The following ELFN2 variants were observed in gnomAD, a reference collection of about 807,000 sequenced individuals.
ELFN2 encodes protein phosphatase 1 regulatory subunit 29.
ELFN2 carries 17 observed loss-of-function variants against 45.5 expected under a neutral mutation model. That is an observed-to-expected ratio of 0.37 (90% CI 0.26 to 0.56). The LOEUF is 0.56. Ranked by LOEUF, ELFN2 falls within the 20% of genes least tolerant of loss-of-function variation. The pLI is 0.77. For missense variants in ELFN2, 922 were observed against 1,183.2 expected (o/e 0.78, Z 3.24); for synonymous variants, 550 against 551.5 (o/e 1.00, Z 0.04).
At chr22:37,391,284 C>T (rs1469253256) in intron 2 of ELFN2, among the ~76,000 whole-genome samples, 1 of 152,152 alleles carries the variant, frequency 6.6e-6, no homozygotes, top group Admixed American at 6.5e-5. Flanking sequence ...ACCACAGCCT[C>T]ATAGAGGACA....
At chr22:37,354,544 A>C (rs369070207) in intron 1 of ELFN2, 1 of 151,262 alleles carries the variant, frequency 6.6e-6, no homozygotes, top group African/African-American at 2.4e-5. Flanking sequence ...GAAAAAAAGA[A>C]ACACACACAC....
downstream of ELFN2, among the ~76,000 whole-genome samples, chr22:37,367,748 C>G (rs1931238444): frequency 1.3e-5 from 2 of 152,208 alleles, no homozygotes; most frequent in Non-Finnish European, 2.9e-5. Context: ...TGGGTGCACA[C>G]TGACCCTGGA....
At chr22:37,383,215 C>T (rs964267646) in intron 2 of ELFN2, among the ~76,000 whole-genome samples, 2 of 152,196 alleles carry the variant, frequency 1.3e-5, no homozygotes, top group African/African-American at 4.8e-5. Flanking sequence ...CCTCCACCTC[C>T]CTCGGCTGGG....
At chr22:37,426,619 A>G (rs1247039070) in intron 1 of ELFN2, among the ~76,000 whole-genome samples, 3 of 130,972 alleles carry the variant, frequency 2.3e-5, no homozygotes, top group African/African-American at 8.5e-5. Context: ...ACGCACACAC[A>G]CACACTGGCA....
intron 2 of ELFN2, among the ~76,000 whole-genome samples, chr22:37,400,346 G>A (rs995620260): frequency 6.6e-6 from 1 of 152,130 alleles, no homozygotes; most frequent in Non-Finnish European, 1.5e-5. Flanking sequence ...AGGGGCAGTT[G>A]TCCCCTCCCC....
intron 2 of ELFN2, among the ~76,000 whole-genome samples, chr22:37,404,331 A>G (rs1932442664): frequency 6.6e-6 from 1 of 152,160 alleles, no homozygotes. Flanking sequence ...AGGCAAGGAC[A>G]GCAGGGTGGG....
Position 37,417,595 on chromosome 22 carries a change from T to C in ELFN2, c.-463+174A>G, listed in dbSNP as rs996760485. ...TCTGCAGGCCGCCTCATAGGCCCTG[T>C]GGAAGGAAAGCTGGGTGGGAGGGGT... On this transcript the variant is annotated intron_variant, in intron 2 of 2. Transcript: ENST00000402918. The surrounding 1 kb of genome is among the most constrained non-coding windows in gnomAD (Gnocchi z 4.5). Among the ~76,000 whole-genome samples, 4 of 151,820 alleles carry C rather than the reference T, an allele frequency of 2.6e-5. No individual in the cohort carries two copies. The highest frequency in any genetic ancestry group is 9.7e-5 in the African/African-American group (4 of 41,356).
intron 2 of ELFN2, among the ~76,000 whole-genome samples, chr22:37,389,948 G>C (rs892076836): frequency 6.6e-6 from 1 of 152,186 alleles, no homozygotes; most frequent in Non-Finnish European, 1.5e-5. Context: ...CAAGACCAGG[G>C]GGGTGGGAAC....
intron 2 of ELFN2, among the ~76,000 whole-genome samples, chr22:37,391,165 A>G (rs1345330284): frequency 6.6e-6 from 1 of 152,136 alleles, no homozygotes; most frequent in Non-Finnish European, 1.5e-5. Flanking sequence ...ATGAATGGGC[A>G]TCTCTTTCCC....
Position 37,348,488 on chromosome 22 carries a change from G to A in ELFN2, n.149-5785C>T, listed in dbSNP as rs542029383. On this transcript the variant is annotated intron_variant and non_coding_transcript_variant, in intron 1 of 2. Transcript: ENST00000452946. ...GGTGGGCACAGGGCCCCAGATCAGG[G>A]AGGGGTGGCCTTCCTGGAGTGTCTC... Among the ~76,000 whole-genome samples the A allele has an allele frequency of 1.3e-4, 20 of 151,014 alleles. 1 individual carries two copies. The East Asian group carries it at 2.1e-3, about 16-fold the overall frequency.
intron 1 of ELFN2, among the ~76,000 whole-genome samples, chr22:37,426,357 C>T (rs1480146863): frequency 1.5e-5 from 1 of 65,686 alleles, no homozygotes; most frequent in East Asian, 3.7e-4. Flanking sequence ...CGCGCGCGCG[C>T]ACACACACAC....
intron 2 of ELFN2, among the ~76,000 whole-genome samples, chr22:37,411,225 T>A (rs981874074): frequency 1.3e-5 from 2 of 152,102 alleles, no homozygotes; most frequent in Non-Finnish European, 2.9e-5. Flanking sequence ...CATCGCCCCA[T>A]CCTGTAGCCT....
At chr22:37,380,073 G>A (rs983432724) in intron 2 of ELFN2, among the ~76,000 whole-genome samples, 4 of 152,198 alleles carry the variant, frequency 2.6e-5, no homozygotes, top group Non-Finnish European at 4.4e-5. Flanking sequence ...CTGAACCTCC[G>A]GGTCACATCC....
intron 2 of ELFN2, among the ~76,000 whole-genome samples, chr22:37,412,566 C>T (rs1932675307): frequency 6.6e-6 from 1 of 152,160 alleles, no homozygotes; most frequent in African/African-American, 2.4e-5. Flanking sequence ...CTTCCTGGCA[C>T]TCCTCCAGGC....
chr22:37,397,981 G>A (rs1016429411), intron 2 of ELFN2, among the ~76,000 whole-genome samples: 3 of 152,182 alleles, frequency 2.0e-5, no homozygotes, highest in East Asian at 1.9e-4. Context: ...GGGGTGCGAG[G>A]CTGCCCTGCA....
intron 1 of ELFN2, among the ~76,000 whole-genome samples, chr22:37,356,895 T>C (rs1006905502): frequency 1.3e-5 from 2 of 152,086 alleles, no homozygotes; most frequent in Admixed American, 1.3e-4. Flanking sequence ...TGATCAGGAG[T>C]TTGGAAAGTT....
rs564737824 is a variant in ELFN2 at position 37,342,217 on chromosome 22, A to C, written n.251+384T>G. Among the ~76,000 whole-genome samples the C allele has an allele frequency of 2.9e-4, 44 of 152,250 alleles. 2 individuals are homozygous for C. The highest frequency in any genetic ancestry group is 2.5e-3 in the South Asian group (12 of 4,832). On this transcript the variant is annotated intron_variant and non_coding_transcript_variant, in intron 2 of 2. Transcript: ENST00000452946. ...AGCGGAGTGAAGCAGAGCTTTCCAC[A>C]TATCCATCCCCTGCTCAAAAACCTT... is the stretch of plus-strand genomic sequence containing the variant.
chr22:37,393,777 C>G (rs1018419020), intron 2 of ELFN2, among the ~76,000 whole-genome samples: 1 of 152,178 alleles, frequency 6.6e-6, no homozygotes, highest in Non-Finnish European at 1.5e-5. Context: ...CCCCAGCACT[C>G]GGCCACCCTC....
rs1185466401 is a variant in ELFN2 at position 37,377,345 on chromosome 22, G to A, written c.-462-1349C>T. Among the ~76,000 whole-genome samples, 5 of 152,200 alleles carry A rather than the reference G, an allele frequency of 3.3e-5. No individual in the cohort carries two copies. The East Asian group carries it at 9.6e-4, about 29-fold the overall frequency. ...GCCCAGTTCTCCCTCCCTCTGCCCT[G>A]GGCAGGGGCCAGGGATGTGAAGATG... On this transcript the variant is annotated intron_variant, in intron 2 of 2. Coordinates refer to ENST00000402918, the MANE Select transcript of ELFN2 (RefSeq NM_052906.5).
Sources: allele counts gnomAD v4.1 joint callset (sites outside exome capture counted in the v4.1 genomes callset), GRCh38; gene constraint gnomAD v4.1.1; non-coding constraint Gnocchi (gnomAD v3.1); transcripts MANE v1.5; gene names NCBI Gene and HGNC (gene_info 2026-07-23, HGNC 2026-07-21).